NAP1L1: variants seen among roughly 807,000 people sequenced by gnomAD.
NAP1L1 encodes the protein nucleosome assembly protein 1 like 1, also known as nucleosome assembly protein 1-like 1.
A neutral mutation model predicts 58.9 loss-of-function variants in NAP1L1; 9 were observed. The ratio of observed to expected loss-of-function variants is 0.15; its 90% CI spans 0.09 to 0.27. NAP1L1 has a LOEUF of 0.27. NAP1L1 is among the 10% of genes least tolerant of loss of function. The pLI is 1.00. For synonymous variants in NAP1L1, 130 were observed against 138.3 expected, an observed-to-expected ratio of 0.94 and a Z score of 0.42; for missense variants, 302 against 458.8, an observed-to-expected ratio of 0.66 and a Z score of 3.12.
rs949266830 is a variant in NAP1L1, at chr12:76,037,868, C to T, written c.*10561G>A. ...TGAGTGTTTTCGCCATTGTACCTAACGGAGAGCTGATTGACAGCACTTAAA... is the reference window on the plus strand; with the variant it reads ...TGAGTGTTTTCGCCATTGTACCTAATGGAGAGCTGATTGACAGCACTTAAA... On this transcript the variant is annotated 3_prime_UTR_variant, in exon 15 of 15. Coordinates refer to ENST00000618691, the MANE Select transcript of NAP1L1 (RefSeq NM_004537.7). 13 of 152,126 alleles carry T rather than the reference C, an allele frequency of 8.5e-5. No individual in the cohort carries two copies. The highest frequency in any genetic ancestry group is 3.9e-4 in the East Asian group (2 of 5,192). The allele number at this position is 152,126 out of a possible 1,614,324, so 9.4% of individuals were successfully genotyped here. A position where few individuals can be genotyped will look rare whatever the true frequency, so the allele number is the denominator to read the frequency against.
At chr12:76,076,381 C>T (rs1374878278) in intron 1 of NAP1L1, among the ~76,000 whole-genome samples, 7 of 151,896 alleles carry the variant, frequency 4.6e-5, no homozygotes, top group East Asian at 1.9e-4. Context: ...ACAATCATAG[C>T]GTTGTCTTCT....
At chr12:76,065,482 AAC>A (rs2137040701) in intron 4 of NAP1L1, among the ~76,000 whole-genome samples, 1 of 152,086 alleles carries the variant, frequency 6.6e-6, no homozygotes, top group African/African-American at 2.4e-5. Flanking sequence ...GGCAAAACAG[AAC>A]ACATTACTAC....
At chr12:76,082,363 G>A (rs574719305) in intron 1 of NAP1L1, among the ~76,000 whole-genome samples, 27 of 152,184 alleles carry the variant, frequency 1.8e-4, no homozygotes, top group African/African-American at 5.3e-4. Context: ...ACAGGTATTC[G>A]TTTCAAAAAT....
intron 2 of NAP1L1, 25 bp from the exon 3 acceptor site, chr12:76,069,019 A>C: frequency 1.3e-6 from 2 of 1,527,302 alleles, no homozygotes; most frequent in Non-Finnish European, 1.8e-6. Context: ...TATCACACCA[A>C]GGTTCAAATG....
At chr12:76,081,064 G>C (rs1208192457) in intron 1 of NAP1L1, among the ~76,000 whole-genome samples, 3 of 106,012 alleles carry the variant, frequency 2.8e-5, no homozygotes, top group Non-Finnish European at 5.6e-5. Flanking sequence ...CTCTATAACT[G>C]CAAGAAATAA....
In NAP1L1 at chr12:76,040,518, TAC is replaced by T. The variant is rs534995040; in HGVS notation, c.*7909_*7910del. 1,838 of 149,834 alleles carry T rather than the reference TAC, an allele frequency of 0.012. 31 individuals are homozygous for T. The highest frequency in any genetic ancestry group is 0.043 in the African/African-American group (1,740 of 40,904). 9.3% of individuals were successfully genotyped at this position (149,834 alleles called of 1,614,324 possible). A position where few individuals can be genotyped will look rare whatever the true frequency, so the allele number is the denominator to read the frequency against. ...AAATATACATACACATACATATACA[TAC>T]ACACACACACACACACAGACAGTTT... On this transcript the variant is annotated 3_prime_UTR_variant, in exon 15 of 15. Coordinates refer to ENST00000618691, the MANE Select transcript of NAP1L1 (RefSeq NM_004537.7).
rs988359071 is a variant in NAP1L1 at position 76,038,454 on chromosome 12, G to C, written c.*9975C>G. 1.3e-5 allele frequency: 2 copies of C among 151,942 alleles called. No homozygotes were observed. Among genetic ancestry groups the C allele is most frequent in the Non-Finnish European group, 2.9e-5 (2 of 67,992 alleles). 9.4% of individuals were successfully genotyped at this position (151,942 alleles called of 1,614,324 possible). A position where few individuals can be genotyped will look rare whatever the true frequency, so the allele number is the denominator to read the frequency against. ...TAGGCTGTTCAATTTGATCACTATT[G>C]ATCTCTGTAAGAAAAAAAAATCCAG... On this transcript the variant is annotated 3_prime_UTR_variant, in exon 15 of 15. Coordinates refer to ENST00000618691, the MANE Select transcript of NAP1L1 (RefSeq NM_004537.7).
rs1172002481 is a variant in NAP1L1, at chr12:76,043,040, C to G, written c.*5389G>C. On this transcript the variant is annotated 3_prime_UTR_variant, in exon 15 of 15. Transcript: ENST00000618691. Reference sequence around the variant, plus strand: ...TATTCAGCAATTTTTTTAAATAAAGCTTTTGTTCTTGGCTAAGTAAATTAT... The same window carrying G: ...TATTCAGCAATTTTTTTAAATAAAGGTTTTGTTCTTGGCTAAGTAAATTAT... 6.6e-6 allele frequency: 1 copy of G among 152,118 alleles called. No individual in the cohort carries two copies. Among genetic ancestry groups the G allele is most frequent in the East Asian group, 1.9e-4 (1 of 5,192 alleles). The allele number at this position is 152,118 out of a possible 1,614,324, so 9.4% of individuals were successfully genotyped here.
Position 76,059,865 on chromosome 12 carries a change from A to G in NAP1L1, c.362T>C (p.Ile121Thr). 2 of 1,588,490 alleles carry G rather than the reference A, an allele frequency of 1.3e-6. No individual in the cohort carries two copies. The highest frequency in any genetic ancestry group is 1.7e-6 in the Non-Finnish European group (2 of 1,170,446). The change falls in exon 6 of 15, where the codon ATT (isoleucine) becomes ACT (threonine). Residue 121 changes from isoleucine to threonine, a missense_variant. Physicochemically the swap from Ile to Thr is moderately conservative, Grantham distance 89 (BLOSUM62 -1). Coordinates refer to ENST00000618691, the MANE Select transcript of NAP1L1 (RefSeq NM_004537.7). Reference sequence around the variant, plus strand: ...TTCCGTAGGTTCATAAATTGCATTAATAATTTCAAATCGCTAAAATGATTT... The same window carrying G: ...TTCCGTAGGTTCATAAATTGCATTAGTAATTTCAAATCGCTAAAATGATTT... ...QPLFDKRFEI[I>T]NAIYEPTEEE... is the part of the protein sequence containing the mutation.
Position 76,045,234 on chromosome 12 carries a change from TGATTTA to T in NAP1L1, c.*3189_*3194del, listed in dbSNP as rs1322631237. On this transcript the variant is annotated 3_prime_UTR_variant, in exon 15 of 15. Coordinates refer to ENST00000618691, the MANE Select transcript of NAP1L1 (RefSeq NM_004537.7). ...TGTACATTTAAAATAACATTTGTTTTGATTTAAAGTCAAAAATATAAAGGCTTAAAT... is the reference window on the plus strand; with the variant it reads ...TGTACATTTAAAATAACATTTGTTTTAAGTCAAAAATATAAAGGCTTAAAT... The T allele has an allele frequency of 6.6e-6, 1 of 152,146 alleles. No homozygotes were observed. The highest frequency in any genetic ancestry group is 2.4e-5 in the African/African-American group (1 of 41,470). The allele number at this position is 152,146 out of a possible 1,614,324, so 9.4% of individuals were successfully genotyped here. A position where few individuals can be genotyped will look rare whatever the true frequency, so the allele number is the denominator to read the frequency against.
At chr12:76,066,260 A>T (rs1949667810) in intron 4 of NAP1L1, among the ~76,000 whole-genome samples, 1 of 152,044 alleles carries the variant, frequency 6.6e-6, no homozygotes, top group Non-Finnish European at 1.5e-5. Flanking sequence ...GTAAAAGGTG[A>T]AACTATTCAA....
rs1488039534 is a variant in NAP1L1 at position 76,047,142 on chromosome 12, A to G, written c.*1287T>C. The stretch of plus-strand genomic sequence containing the variant: ...GCTTAGTGTCACACTGGCATTACAA[A>G]TAGGCCCAAAATTTTGAGCTTTTAA... On this transcript the variant is annotated 3_prime_UTR_variant, in exon 15 of 15. Transcript: ENST00000618691. The G allele has an allele frequency of 6.6e-6, 1 of 152,512 alleles. No individual in the cohort carries two copies. Among genetic ancestry groups the G allele is most frequent in the African/African-American group, 2.4e-5 (1 of 41,442 alleles). The allele number at this position is 152,512 out of a possible 1,614,324, so 9.4% of individuals were successfully genotyped here. A position where few individuals can be genotyped will look rare whatever the true frequency, so the allele number is the denominator to read the frequency against.
In NAP1L1 at chr12:76,042,811, G is replaced by A. The variant is rs1014324389; in HGVS notation, c.*5618C>T. ...TTCTAAGAAGCCAGCAATCCTTGGA[G>A]AAATGGCCCATTCCAGGGCTGAAAT... is the stretch of plus-strand genomic sequence containing the variant. On this transcript the variant is annotated 3_prime_UTR_variant, in exon 15 of 15. Transcript: ENST00000618691. The A allele has an allele frequency of 6.6e-6, 1 of 152,170 alleles. No homozygotes were observed. The highest frequency in any genetic ancestry group is 1.5e-5 in the Non-Finnish European group (1 of 68,042). 9.4% of individuals were successfully genotyped at this position (152,170 alleles called of 1,614,324 possible). A position where few individuals can be genotyped will look rare whatever the true frequency, so the allele number is the denominator to read the frequency against.
Position 76,043,497 on chromosome 12 carries a change from AAT to A in NAP1L1, c.*4930_*4931del, listed in dbSNP as rs1948570907. On this transcript the variant is annotated 3_prime_UTR_variant, in exon 15 of 15. Transcript: ENST00000618691. The stretch of plus-strand genomic sequence containing the variant: ...TCTCAGAAAAAAAAAAAAAAAAAAA[AAT>A]TTCTACATGGAATGGTCATCCTCAT... 2 of 151,314 alleles carry A rather than the reference AAT, an allele frequency of 1.3e-5. No homozygotes were observed. Among genetic ancestry groups the A allele is most frequent in the African/African-American group, 4.9e-5 (2 of 40,900 alleles). The allele number at this position is 151,314 out of a possible 1,614,324, so 9.4% of individuals were successfully genotyped here. A position where few individuals can be genotyped will look rare whatever the true frequency, so the allele number is the denominator to read the frequency against.
intron 6 of NAP1L1, among the ~76,000 whole-genome samples, chr12:76,058,684 C>A (rs1320025704): frequency 6.6e-6 from 1 of 152,070 alleles, no homozygotes; most frequent in Non-Finnish European, 1.5e-5. Flanking sequence ...CTGCGCCTGG[C>A]CTTTCTCTTT....
Position 76,041,239 on chromosome 12 carries a change from A to G in NAP1L1, c.*7190T>C, listed in dbSNP as rs1422055802. On this transcript the variant is annotated 3_prime_UTR_variant, in exon 15 of 15. Coordinates refer to ENST00000618691, the MANE Select transcript of NAP1L1 (RefSeq NM_004537.7). Reference sequence around the variant, plus strand: ...TCTAGATAAATCCTAACTGACCTATACATCCAAAACTTTTCTGTACACTTA... The same window carrying G: ...TCTAGATAAATCCTAACTGACCTATGCATCCAAAACTTTTCTGTACACTTA... 1 of 152,224 alleles carries G rather than the reference A, an allele frequency of 6.6e-6. No homozygotes were observed. The highest frequency in any genetic ancestry group is 2.4e-5 in the African/African-American group (1 of 41,452). 9.4% of individuals were successfully genotyped at this position (152,224 alleles called of 1,614,324 possible). A position where few individuals can be genotyped will look rare whatever the true frequency, so the allele number is the denominator to read the frequency against.
intron 1 of NAP1L1, among the ~76,000 whole-genome samples, chr12:76,079,482 T>TA (rs921513661): frequency 1.2e-3 from 189 of 151,440 alleles, no homozygotes; most frequent in East Asian, 3.9e-4. Context: ...CATACCTCCT[T>TA]AAAAAAAAAT....
intron 1 of NAP1L1, among the ~76,000 whole-genome samples, chr12:76,077,089 A>G (rs1046495891): frequency 6.6e-6 from 1 of 152,220 alleles, no homozygotes; most frequent in Non-Finnish European, 1.5e-5. Flanking sequence ...TAAAACTTCC[A>G]AATTTAAATT....
In NAP1L1 at chr12:76,039,159, T is replaced by C. The variant is rs1197579519; in HGVS notation, c.*9270A>G. 6.6e-6 allele frequency: 1 copy of C among 152,238 alleles called. No homozygotes were observed. Among genetic ancestry groups the C allele is most frequent in the Non-Finnish European group, 1.5e-5 (1 of 68,032 alleles). 9.4% of individuals were successfully genotyped at this position (152,238 alleles called of 1,614,324 possible). On this transcript the variant is annotated 3_prime_UTR_variant, in exon 15 of 15. Transcript: ENST00000618691. ...TTTCGACATATGTGGCCAATGTGGC[T>C]GTCATCCTAACCTCCCTTGGCATTC...
Sources: allele counts gnomAD v4.1 joint callset (sites outside exome capture counted in the v4.1 genomes callset), GRCh38; gene constraint gnomAD v4.1.1; transcripts MANE v1.5; gene names NCBI Gene and HGNC (gene_info 2026-07-23, HGNC 2026-07-21).